The following SLC35F3 variants were observed in gnomAD, a reference collection of about 807,000 sequenced individuals.
The protein encoded by SLC35F3 is solute carrier family 35 member F3.
A neutral mutation model predicts 49.9 loss-of-function variants in SLC35F3; 25 were observed. The ratio of observed to expected loss-of-function variants is 0.50; its 90% CI spans 0.37 to 0.70. The LOEUF is 0.70. Among genes scored for constraint, SLC35F3 ranks in the 30% least tolerant of loss-of-function variants. SLC35F3 has a pLI of 0.00. For synonymous variants in SLC35F3, 275 were observed against 265.4 expected, an observed-to-expected ratio of 1.04 and a Z score of -0.35; for missense variants, 525 against 639.8, an observed-to-expected ratio of 0.82 and a Z score of 1.94.
chr1:234,075,012 A>G (rs890206540), intron 2 of SLC35F3, among the ~76,000 whole-genome samples: 4 of 152,184 alleles, frequency 2.6e-5, no homozygotes, highest in African/African-American at 9.7e-5. Context: ...AATTATGGCA[A>G]TGAGGACTTA....
intron 2 of SLC35F3, among the ~76,000 whole-genome samples, chr1:233,921,812 C>T (rs1662066073): frequency 7.2e-6 from 1 of 138,916 alleles, no homozygotes; most frequent in Admixed American, 7.5e-5. Flanking sequence ...CTCCCCCCAA[C>T]AGGCCCCAGT....
chr1:234,078,809 G>A (rs6667817), intron 2 of SLC35F3, among the ~76,000 whole-genome samples: 41,444 of 152,102 alleles, frequency 0.27, 7,209 homozygotes, highest in Non-Finnish European at 0.4. Context: ...TTTATACAAG[G>A]AAAAGCAGTC....
chr1:233,905,650 T>C lies in SLC35F3; in HGVS notation c.175T>C (p.Ser59Pro), dbSNP rs1270452110. ...AIKEDLKWSR[S>P]VEDLTSGPVG... is the part of the protein sequence containing the mutation. ...TAAGGAGGATCTGAAATGGTCGCGCTCCGTGGAGGATCTCACCAGCGGGCC... is the reference window on the plus strand; with the variant it reads ...TAAGGAGGATCTGAAATGGTCGCGCCCCGTGGAGGATCTCACCAGCGGGCC... The change falls in exon 2 of 8, where the codon TCC (serine) becomes CCC (proline). Residue 59 changes from serine (S) to proline (P), a missense_variant. Transcript: ENST00000366618. 6.2e-7 allele frequency: 1 copy of C among 1,614,186 alleles called. No individual in the cohort carries two copies. Among genetic ancestry groups the C allele is most frequent in the South Asian group, 1.1e-5 (1 of 91,086 alleles).
intron 2 of SLC35F3, among the ~76,000 whole-genome samples, chr1:234,023,341 G>C (rs1125167): frequency 0.68 from 103,985 of 152,102 alleles, 35,958 homozygotes; most frequent in African/African-American, 0.76. Flanking sequence ...ACAAAACAAA[G>C]CATTGATGAG....
intron 2 of SLC35F3, among the ~76,000 whole-genome samples, chr1:233,993,969 G>C (rs1003429237): frequency 6.6e-6 from 1 of 152,176 alleles, no homozygotes; most frequent in Non-Finnish European, 1.5e-5. Flanking sequence ...ACTGTCAGTT[G>C]CCTGGTTACC....
At chr1:234,291,760 C>G (rs1407080994) in intron 3 of SLC35F3, among the ~76,000 whole-genome samples, 2 of 152,180 alleles carry the variant, frequency 1.3e-5, no homozygotes, top group Non-Finnish European at 2.9e-5. Context: ...GAGAAGCCAC[C>G]ATAATTTGTA....
intron 2 of SLC35F3, among the ~76,000 whole-genome samples, chr1:233,963,298 CT>C (rs771239245): frequency 7.9e-4 from 115 of 144,968 alleles, no homozygotes; most frequent in Middle Eastern, 3.5e-3. Context: ...TTCTTTCTTT[CT>C]TTTTTTTTTT....
At chr1:234,191,455 G>A (rs1205999894) in intron 2 of SLC35F3, among the ~76,000 whole-genome samples, 2 of 152,108 alleles carry the variant, frequency 1.3e-5, no homozygotes, top group Non-Finnish European at 2.9e-5. Flanking sequence ...GCAGTGCTAA[G>A]AGGAAAATTC....
intron 2 of SLC35F3, among the ~76,000 whole-genome samples, chr1:233,981,010 G>A (rs928340253): frequency 6.6e-5 from 10 of 152,204 alleles, no homozygotes; most frequent in African/African-American, 2.4e-4. Context: ...CATGGGAAGT[G>A]TCTGAGTTTT....
At chr1:234,144,826 G>A (rs12073596) in intron 2 of SLC35F3, among the ~76,000 whole-genome samples, 10,402 of 152,202 alleles carry the variant, frequency 0.068, 589 homozygotes, top group African/African-American at 0.14. Context: ...AAGGATAGAG[G>A]GGTGTCCAAT....
chr1:233,963,938 G>A (rs984132403), intron 2 of SLC35F3, among the ~76,000 whole-genome samples: 19 of 152,164 alleles, frequency 1.2e-4, no homozygotes, highest in Admixed American at 3.3e-4. Context: ...CACCTGGGGG[G>A]CCCATACCCC....
intron 2 of SLC35F3, among the ~76,000 whole-genome samples, chr1:234,220,245 T>C (rs1667183346): frequency 1.3e-5 from 2 of 152,100 alleles, no homozygotes; most frequent in Non-Finnish European, 2.9e-5. Flanking sequence ...CCACTGTCTA[T>C]CAAATGTAAT....
chr1:234,150,077 A>C (rs1357848290), intron 2 of SLC35F3, among the ~76,000 whole-genome samples: 1 of 152,216 alleles, frequency 6.6e-6, no homozygotes, highest in Non-Finnish European at 1.5e-5. Context: ...CAGCAAGCAA[A>C]GCTGCCTTCT....
At chr1:234,264,572 G>A (rs941124310) in intron 3 of SLC35F3, among the ~76,000 whole-genome samples, 18 of 152,112 alleles carry the variant, frequency 1.2e-4, no homozygotes, top group Admixed American at 4.6e-4. Flanking sequence ...GTTGATAGAG[G>A]ATCTTGCTCT....
At chr1:234,286,115 T>C (rs1378299518) in intron 3 of SLC35F3, among the ~76,000 whole-genome samples, 1 of 152,192 alleles carries the variant, frequency 6.6e-6, no homozygotes, top group Non-Finnish European at 1.5e-5. Flanking sequence ...CCAAAAGGTC[T>C]GATAATAACG....
chr1:234,065,062 G>A (rs976540046), intron 2 of SLC35F3, among the ~76,000 whole-genome samples: 2 of 152,196 alleles, frequency 1.3e-5, no homozygotes, highest in African/African-American at 4.8e-5. Context: ...TGTGCATCTG[G>A]GAAGTTTTTA....
rs146351992 is a variant in SLC35F3, at chr1:233,991,826, G to A, written c.283+86068G>A. 2.0e-5 allele frequency among the ~76,000 whole-genome samples: 3 copies of A among 152,008 alleles called. No homozygotes were observed. The East Asian group carries it at 5.8e-4, about 29-fold the overall frequency. On this transcript the variant is annotated intron_variant, in intron 2 of 7. Transcript: ENST00000366618. Reference sequence around the variant, plus strand: ...TCATCATCAGCATCATCATTATTTTGCCTGTTTATTTAATTTTATATTATT... The same window carrying A: ...TCATCATCAGCATCATCATTATTTTACCTGTTTATTTAATTTTATATTATT...
intron 2 of SLC35F3, among the ~76,000 whole-genome samples, chr1:234,109,088 C>A (rs1403489062): frequency 1.3e-5 from 2 of 152,004 alleles, no homozygotes; most frequent in Non-Finnish European, 2.9e-5. Context: ...CACACTGAGG[C>A]GTTTTGTTTT....
At chr1:234,140,002 A>AATAATAAATAAAAAT in intron 2 of SLC35F3, among the ~76,000 whole-genome samples, 1 of 105,368 alleles carries the variant, frequency 9.5e-6, no homozygotes, top group Non-Finnish European at 2.4e-5. Context: ...AATAAAATAA[A>AATAATAAATAAAAAT]GTAAGTGACT....
Sources: allele counts gnomAD v4.1 joint callset (sites outside exome capture counted in the v4.1 genomes callset), GRCh38; gene constraint gnomAD v4.1.1; transcripts MANE v1.5; gene names NCBI Gene and HGNC (gene_info 2026-07-23, HGNC 2026-07-21).